RBKS: variants seen among roughly 807,000 people sequenced by gnomAD.
RBKS encodes ribokinase.
RBKS carries 33 observed loss-of-function variants against 33.9 expected under a neutral mutation model. That is an observed-to-expected ratio of 0.97 (90% confidence interval 0.74 to 1.30). RBKS has a LOEUF of 1.30. RBKS is among the 50% of genes most tolerant of loss of function. RBKS has a pLI of 0.00. For missense variants in RBKS, 361 were observed against 392.6 expected (o/e 0.92, Z 0.68); for synonymous variants, 125 against 143.0 (o/e 0.87, Z 0.90).
chr2:27,798,804 C>A (rs1573036274), intron 7 of RBKS, among the ~76,000 whole-genome samples: 1 of 152,204 alleles, frequency 6.6e-6, no homozygotes, highest in African/African-American at 2.4e-5. Context: ...GGAGACACCT[C>A]GGCTTGGACT....
intron 1 of RBKS, chr2:27,889,967 T>C (rs1664682489): frequency 9.2e-6 from 3 of 324,854 alleles, no homozygotes; most frequent in East Asian, 5.0e-5. Context: ...AGAAAGGTCT[T>C]TGGGGGCGCA....
intron 2 of RBKS, among the ~76,000 whole-genome samples, chr2:27,853,625 T>C (rs1171769057): frequency 6.6e-6 from 1 of 152,070 alleles, no homozygotes; most frequent in African/African-American, 2.4e-5. Context: ...ACCACTGCAC[T>C]CTAGCCTGGG....
At chr2:27,832,606 G>T in intron 6 of RBKS, 80 bp downstream of exon 6, 4 of 864,234 alleles carry the variant, frequency 4.6e-6, no homozygotes, top group Non-Finnish European at 7.9e-6. Context: ...AAATTGATGT[G>T]GTTAGTTCTG....
chr2:27,794,780 C>A (rs145826481), intron 7 of RBKS, among the ~76,000 whole-genome samples: 1 of 152,146 alleles, frequency 6.6e-6, no homozygotes, highest in African/African-American at 2.4e-5. Flanking sequence ...TGTGTCACCA[C>A]GCCCGGCTAA....
At chr2:27,796,551 G>C (rs1447129369) in intron 7 of RBKS, among the ~76,000 whole-genome samples, 1 of 152,114 alleles carries the variant, frequency 6.6e-6, no homozygotes, top group East Asian at 1.9e-4. Flanking sequence ...GACACTTCTG[G>C]GTTCTGAGTT....
At chr2:27,784,232 C>T (rs1488382418) in intron 7 of RBKS, among the ~76,000 whole-genome samples, 1 of 151,832 alleles carries the variant, frequency 6.6e-6, no homozygotes, top group Non-Finnish European at 1.5e-5. Context: ...ATCCGCCCGC[C>T]TCGGCCTCCC....
intron 2 of RBKS, among the ~76,000 whole-genome samples, chr2:27,855,666 C>T (rs1663845357): frequency 1.3e-5 from 2 of 152,278 alleles, no homozygotes; most frequent in South Asian, 4.1e-4. Flanking sequence ...TAGCTTTGGT[C>T]CATGACTCAG....
At chr2:27,829,471 C>G (rs542336917) in intron 6 of RBKS, among the ~76,000 whole-genome samples, 1 of 149,926 alleles carries the variant, frequency 6.7e-6, no homozygotes, top group Admixed American at 6.7e-5. Flanking sequence ...CAGGTTCACA[C>G]GATTCTCCTG....
intron 7 of RBKS, among the ~76,000 whole-genome samples, chr2:27,821,637 A>C (rs1279875009): frequency 6.6e-6 from 1 of 152,294 alleles, no homozygotes; most frequent in Non-Finnish European, 1.5e-5. Context: ...ACAAGTAGGA[A>C]AAGCCCCAAT....
At chr2:27,863,068 A>C (rs550717664) in intron 1 of RBKS, among the ~76,000 whole-genome samples, 1 of 152,356 alleles carries the variant, frequency 6.6e-6, no homozygotes, top group East Asian at 1.9e-4. Flanking sequence ...ATTAAAAAGA[A>C]AAGGAAACAG....
In RBKS at chr2:27,843,130, A is replaced by C; in HGVS notation, c.451T>G (p.Cys151Gly). ...NVISRAKVMV[C>G]QLEITPATSL... ...GTTGCTGGAGTTATTTCGAGCTGGC[A>C]GACCATGACTTTGGCTCTGCTAATG... Residue 151 changes from cysteine (C) to glycine (G), a missense_variant, in exon 5 of 8, where the codon TGC becomes GGC. Coordinates refer to ENST00000302188, the MANE Select transcript of RBKS (RefSeq NM_022128.3). 6.2e-7 allele frequency: 1 copy of C among 1,611,518 alleles called. No individual in the cohort carries two copies. Among genetic ancestry groups the C allele is most frequent in the Non-Finnish European group, 8.5e-7 (1 of 1,178,702 alleles).
chr2:27,796,008 C>T (rs1677659111), intron 7 of RBKS, among the ~76,000 whole-genome samples: 1 of 152,210 alleles, frequency 6.6e-6, no homozygotes, highest in Non-Finnish European at 1.5e-5. Context: ...ATGTTCTTCT[C>T]TTCCCATGAT....
intron 7 of RBKS, among the ~76,000 whole-genome samples, chr2:27,802,483 CG>C (rs1677816620): frequency 4.0e-5 from 6 of 151,172 alleles, no homozygotes; most frequent in Admixed American, 3.3e-4. Context: ...AAAAATTTCA[CG>C]GGGGAAGAGG....
At chr2:27,881,860 A>G (rs955199722) in intron 1 of RBKS, among the ~76,000 whole-genome samples, 26 of 152,352 alleles carry the variant, frequency 1.7e-4, no homozygotes, top group South Asian at 2.1e-4. Context: ...ATAACTGGCT[A>G]GGCACGTGCA....
At chr2:27,888,605 CAAA>C (rs1664603290) in intron 1 of RBKS, among the ~76,000 whole-genome samples, 2 of 152,074 alleles carry the variant, frequency 1.3e-5, no homozygotes, top group Non-Finnish European at 2.9e-5. Flanking sequence ...TATTTTTATA[CAAA>C]ATTTAGTAAG....
chr2:27,808,767 G>A (rs952301739), intron 7 of RBKS, among the ~76,000 whole-genome samples: 1 of 152,192 alleles, frequency 6.6e-6, no homozygotes, highest in African/African-American at 2.4e-5. Context: ...TGTAAAAAAT[G>A]TAGATATACT....
At chr2:27,824,293 T>C (rs1436708793) in intron 7 of RBKS, among the ~76,000 whole-genome samples, 19 of 152,230 alleles carry the variant, frequency 1.2e-4, no homozygotes, top group Admixed American at 1.1e-3. Flanking sequence ...ATTGTCACAA[T>C]GTTGTACAAT....
chr2:27,888,118 ATTTTC>A (rs1165052263), intron 1 of RBKS, among the ~76,000 whole-genome samples: 4 of 150,810 alleles, frequency 2.7e-5, no homozygotes, highest in Admixed American at 1.3e-4. Context: ...GTATGAGAAA[ATTTTC>A]TTTTCTTTTC....
At chr2:27,827,534 G>A (rs1254262808) in intron 7 of RBKS, 33 bp downstream of exon 7, 4 of 1,509,196 alleles carry the variant, frequency 2.7e-6, no homozygotes, top group Admixed American at 4.6e-5. Flanking sequence ...AATTTTCAAA[G>A]GCTAAACATG....
Sources: allele counts gnomAD v4.1 joint callset (sites outside exome capture counted in the v4.1 genomes callset), GRCh38; gene constraint gnomAD v4.1.1; transcripts MANE v1.5; gene names NCBI Gene and HGNC (gene_info 2026-07-23, HGNC 2026-07-21).